The following WDPCP variants were observed in gnomAD, a reference collection of about 807,000 sequenced individuals.
WDPCP encodes the protein WD repeat-containing and planar cell polarity effector protein fritz homolog.
A neutral mutation model predicts 93.1 loss-of-function variants in WDPCP; 71 were observed. That is an observed-to-expected ratio of 0.76 (90% CI 0.63 to 0.93). The LOEUF (loss-of-function observed/expected upper bound fraction) is 0.93. Ranked by LOEUF, WDPCP falls within the 40% of genes least tolerant of loss-of-function variation. The pLI is 0.00. For missense variants in WDPCP, 844 were observed against 887.4 expected, an observed-to-expected ratio of 0.95 and a Z score of 0.62; for synonymous variants, 315 against 315.0, an observed-to-expected ratio of 1.00 and a Z score of 0.00.
intron 17 of WDPCP, among the ~76,000 whole-genome samples, chr2:63,129,832 A>G (rs1286378373): frequency 6.6e-6 from 1 of 152,214 alleles, no homozygotes; most frequent in Non-Finnish European, 1.5e-5. Context: ...ATCCTCACAT[A>G]TATTTTAAAT....
chr2:63,299,082 C>T (rs1279136641), intron 13 of WDPCP, among the ~76,000 whole-genome samples: 1 of 152,134 alleles, frequency 6.6e-6, no homozygotes, highest in African/African-American at 2.4e-5. Flanking sequence ...TACATGCATC[C>T]TCTGGATGCA....
At chr2:63,269,881 T>C (rs1345210694) in intron 13 of WDPCP, among the ~76,000 whole-genome samples, 25 of 152,208 alleles carry the variant, frequency 1.6e-4, no homozygotes, top group Admixed American at 1.6e-3. Context: ...AAATTCATGC[T>C]ATTTCACCTA....
chr2:63,474,925 A>T (rs1342149091), intron 6 of WDPCP, among the ~76,000 whole-genome samples: 1 of 152,186 alleles, frequency 6.6e-6, no homozygotes, highest in East Asian at 1.9e-4. Flanking sequence ...ATAGTGGGTA[A>T]TACTGAGTGG....
In WDPCP at chr2:63,709,948, T is replaced by G. The variant is rs375455118; in HGVS notation, n.309-59110A>C. On this transcript the variant is annotated intron_variant and non_coding_transcript_variant, in intron 2 of 4. Coordinates refer to the WDPCP transcript ENST00000467687. ...AGCTTTTAAAATCAAGGGGTAAAAA[T>G]GAGGTGAATCTAATTGTAGTATCCT... is the stretch of plus-strand genomic sequence containing the variant. 1.6e-4 allele frequency among the ~76,000 whole-genome samples: 25 copies of G among 152,256 alleles called. No homozygotes were observed. In the East Asian group the frequency reaches 4.2e-3, roughly 26 times the overall value.
chr2:63,682,715 A>T (rs1287151976), intron 2 of WDPCP, among the ~76,000 whole-genome samples: 1 of 152,104 alleles, frequency 6.6e-6, no homozygotes, highest in Non-Finnish European at 1.5e-5. Context: ...CAGATTTAAG[A>T]ACCTCAAGGC....
chr2:63,763,310 C>G (rs1346578605), intron 2 of WDPCP, among the ~76,000 whole-genome samples: 1 of 151,912 alleles, frequency 6.6e-6, no homozygotes, highest in Admixed American at 6.6e-5. Context: ...TTGAGACCAG[C>G]CTGGCCGATA....
At chr2:63,721,272 G>A (rs981121918) in intron 2 of WDPCP, among the ~76,000 whole-genome samples, 1 of 152,248 alleles carries the variant, frequency 6.6e-6, no homozygotes, top group Non-Finnish European at 1.5e-5. Flanking sequence ...GTGGTGTCAT[G>A]AGGGGAGGTG....
intron 15 of WDPCP, among the ~76,000 whole-genome samples, chr2:63,157,809 G>C (rs1574754574): frequency 6.6e-6 from 1 of 151,666 alleles, no homozygotes; most frequent in East Asian, 1.9e-4. Flanking sequence ...CAATTTTGTT[G>C]ATCTTTTCAA....
chr2:63,738,190 A>G (rs1357636763), intron 2 of WDPCP, among the ~76,000 whole-genome samples: 1 of 151,900 alleles, frequency 6.6e-6, no homozygotes, highest in Admixed American at 6.6e-5. Context: ...ATTCATTTCT[A>G]TTACTAACTG....
At chr2:63,341,839 T>G (rs1274275214) in intron 12 of WDPCP, among the ~76,000 whole-genome samples, 3 of 152,216 alleles carry the variant, frequency 2.0e-5, no homozygotes, top group Admixed American at 2.0e-4. Context: ...TTATTTGTTA[T>G]TAGTACAGCC....
intron 14 of WDPCP, among the ~76,000 whole-genome samples, chr2:63,208,934 C>A (rs1048728455): frequency 2.0e-5 from 3 of 152,158 alleles, no homozygotes; most frequent in Non-Finnish European, 4.4e-5. Flanking sequence ...TATACCTGCA[C>A]CCTCCCACAC....
intron 14 of WDPCP, among the ~76,000 whole-genome samples, chr2:63,244,235 A>C (rs1396905205): frequency 6.6e-6 from 1 of 152,186 alleles, no homozygotes; most frequent in Admixed American, 6.5e-5. Flanking sequence ...TTAAGAGGAA[A>C]GTTTATAGTT....
chr2:63,575,436 A>G (rs1242619176), intron 1 of WDPCP, among the ~76,000 whole-genome samples: 1 of 103,140 alleles, frequency 9.7e-6, no homozygotes, highest in African/African-American at 4.5e-5. Context: ...CAGTGTATAT[A>G]CAGTGTATAC....
At chr2:63,757,365 C>T (rs1410880597) in intron 2 of WDPCP, among the ~76,000 whole-genome samples, 1 of 152,216 alleles carries the variant, frequency 6.6e-6, no homozygotes, top group Non-Finnish European at 1.5e-5. Flanking sequence ...TTACAATTAT[C>T]CTGTTCCTGT....
intron 17 of WDPCP, among the ~76,000 whole-genome samples, chr2:63,125,249 A>G (rs1161096831): frequency 6.6e-6 from 1 of 152,252 alleles, no homozygotes; most frequent in Non-Finnish European, 1.5e-5. Context: ...GACAAGTTTT[A>G]TAGATAAGCT....
chr2:63,311,297 A>AT (rs1325039615), intron 13 of WDPCP, among the ~76,000 whole-genome samples: 1 of 152,114 alleles, frequency 6.6e-6, no homozygotes, highest in Non-Finnish European at 1.5e-5. Context: ...AAGAGGTAAC[A>AT]TTTTTCAATC....
intron 12 of WDPCP, among the ~76,000 whole-genome samples, chr2:63,352,132 T>C (rs1261191065): frequency 1.3e-5 from 2 of 152,192 alleles, no homozygotes; most frequent in Non-Finnish European, 2.9e-5. Context: ...TTTTTTCTTG[T>C]TGATTTGTTT....
intron 17 of WDPCP, among the ~76,000 whole-genome samples, chr2:63,141,125 G>T (rs1361554071): frequency 6.6e-6 from 1 of 151,874 alleles, no homozygotes; most frequent in Non-Finnish European, 1.5e-5. Flanking sequence ...TGTTGCCCAG[G>T]CTGTAGTGCA....
upstream of WDPCP, among the ~76,000 whole-genome samples, chr2:63,589,657 A>G (rs1192402366): frequency 6.6e-6 from 1 of 152,200 alleles, no homozygotes; most frequent in Non-Finnish European, 1.5e-5. Context: ...AACTACTGCA[A>G]ATATTCTTTA....
Sources: gnomAD v4.1 joint callset for allele counts (sites outside exome capture counted in the v4.1 genomes callset) on GRCh38, gnomAD v4.1.1 for gene constraint, MANE v1.5 for transcripts, NCBI Gene and HGNC (gene_info 2026-07-23, HGNC 2026-07-21) for gene names.